Variants in ZNF385D observed in about 807,000 individuals in gnomAD.
ZNF385D encodes the protein zinc finger protein 385D.
A neutral mutation model predicts 35.8 loss-of-function variants in ZNF385D; 15 were observed. That is an observed-to-expected ratio of 0.42 (90% confidence interval 0.28 to 0.64). The LOEUF is 0.64. Ranked by LOEUF, ZNF385D falls within the 30% of genes least tolerant of loss-of-function variation. The pLI is 0.23. For missense variants in ZNF385D, 474 were observed against 494.6 expected, an observed-to-expected ratio of 0.96 and a Z score of 0.39; for synonymous variants, 212 against 186.8, an observed-to-expected ratio of 1.13 and a Z score of -1.10.
chr3:21,550,534 G>C lies in ZNF385D; in HGVS notation c.276+14040C>G, dbSNP rs557592948. On this transcript the variant is annotated intron_variant, in intron 3 of 7. Coordinates refer to ENST00000281523, the MANE Select transcript of ZNF385D (RefSeq NM_024697.3). Reference sequence around the variant, plus strand: ...GTCTCACTCTGTTGCCCAGGCTGGAGTGCAGTGGTGTGATCTTGGCTTACT... The same window carrying C: ...GTCTCACTCTGTTGCCCAGGCTGGACTGCAGTGGTGTGATCTTGGCTTACT... Among the ~76,000 whole-genome samples the C allele has an allele frequency of 8.9e-4, 135 of 152,278 alleles. 1 individual carries two copies. The highest frequency in any genetic ancestry group is 3.2e-3 in the African/African-American group (132 of 41,554).
At chr3:21,532,191 G>A (rs1360320503) in intron 3 of ZNF385D, among the ~76,000 whole-genome samples, 1 of 152,128 alleles carries the variant, frequency 6.6e-6, no homozygotes, top group East Asian at 1.9e-4. Flanking sequence ...CACGAGGGAA[G>A]GTTTAGAATT....
At chr3:22,091,261 A>T (rs1044876148) in intron 3 of ZNF385D, among the ~76,000 whole-genome samples, 2 of 152,198 alleles carry the variant, frequency 1.3e-5, no homozygotes, top group Admixed American at 1.3e-4. Context: ...ACTGGTGAAG[A>T]TAAACCAGTC....
intron 3 of ZNF385D, among the ~76,000 whole-genome samples, chr3:21,896,943 T>G (rs1699169914): frequency 1.3e-5 from 2 of 151,964 alleles, no homozygotes; most frequent in Non-Finnish European, 2.9e-5. Context: ...AGAAAAAAAC[T>G]GGGATCATTT....
At chr3:21,619,871 G>C (rs78838434) in intron 2 of ZNF385D, among the ~76,000 whole-genome samples, 1 of 152,176 alleles carries the variant, frequency 6.6e-6, no homozygotes, top group East Asian at 1.9e-4. Flanking sequence ...ATGAGGGAAA[G>C]TGGAAGCTAG....
chr3:21,878,588 T>C (rs1175183061), intron 3 of ZNF385D, among the ~76,000 whole-genome samples: 10 of 152,092 alleles, frequency 6.6e-5, no homozygotes, highest in Non-Finnish European at 5.9e-5. Context: ...ACTACATGAC[T>C]GCACATGTAA....
chr3:22,321,504 T>A (rs1341732527), intron 2 of ZNF385D, among the ~76,000 whole-genome samples: 1 of 152,058 alleles, frequency 6.6e-6, no homozygotes, highest in African/African-American at 2.4e-5. Flanking sequence ...TAGCTGGGAC[T>A]ACAGGGGCCC....
At chr3:21,470,824 T>C (rs189878456) in intron 4 of ZNF385D, among the ~76,000 whole-genome samples, 76 of 152,184 alleles carry the variant, frequency 5.0e-4, no homozygotes, top group African/African-American at 1.7e-3. Flanking sequence ...TTTTGAATGA[T>C]CATTCCCAGC....
chr3:21,572,743 A>G (rs2063372398), intron 2 of ZNF385D, among the ~76,000 whole-genome samples: 1 of 152,208 alleles, frequency 6.6e-6, no homozygotes, highest in African/African-American at 2.4e-5. Flanking sequence ...CCACCCTTGC[A>G]CAGCAGAAAA....
At position 21,907,626 on chromosome 3, in the gene ZNF385D, A is replaced by G. The variant is rs527690185; in HGVS notation, c.326-242598T>C. Reference sequence around the variant, plus strand: ...TGTGGAATCCGTTAAAAGGAGATACATTATAAGAATCTTTGATACTTATTA... The same window carrying G: ...TGTGGAATCCGTTAAAAGGAGATACGTTATAAGAATCTTTGATACTTATTA... On this transcript the variant is annotated intron_variant, in intron 3 of 5. Transcript: ENST00000494108. 1.5e-3 allele frequency among the ~76,000 whole-genome samples: 224 copies of G among 152,286 alleles called. 1 individual carries two copies. The highest frequency in any genetic ancestry group is 5.2e-3 in the African/African-American group (216 of 41,562).
chr3:21,553,188 C>G (rs555437150), intron 3 of ZNF385D, among the ~76,000 whole-genome samples: 2 of 152,260 alleles, frequency 1.3e-5, no homozygotes, highest in East Asian at 3.9e-4. Flanking sequence ...GACAACCTGA[C>G]TTTATCCTAG....
chr3:21,426,432 A>G (rs993324780), intron 5 of ZNF385D, among the ~76,000 whole-genome samples: 6 of 152,208 alleles, frequency 3.9e-5, no homozygotes, highest in African/African-American at 1.4e-4. Context: ...GTCAACCGTT[A>G]ACAACCCATT....
chr3:21,608,012 C>CTTTTTTTTTTTTTTTTTTTTTTTT (rs368555930), intron 2 of ZNF385D, among the ~76,000 whole-genome samples: 22 of 123,964 alleles, frequency 1.8e-4, no homozygotes, highest in African/African-American at 6.9e-4. Context: ...TCTTTTTCTT[C>CTTTTTTTTTTTTTTTTTTTTTTTT]TTTTTTTTTT....
At chr3:21,835,280 A>G (rs1056622163) in intron 3 of ZNF385D, among the ~76,000 whole-genome samples, 1 of 152,016 alleles carries the variant, frequency 6.6e-6, no homozygotes, top group Admixed American at 6.6e-5. Context: ...GAAAAGCAGC[A>G]AAAATAAATA....
At chr3:21,980,342 G>T (rs753664148) in intron 3 of ZNF385D, among the ~76,000 whole-genome samples, 2 of 152,146 alleles carry the variant, frequency 1.3e-5, no homozygotes, top group Non-Finnish European at 2.9e-5. Flanking sequence ...CTGACTCATG[G>T]AAACTGTGAC....
intron 3 of ZNF385D, among the ~76,000 whole-genome samples, chr3:22,068,811 G>A (rs1472972511): frequency 6.6e-6 from 1 of 152,202 alleles, no homozygotes; most frequent in Non-Finnish European, 1.5e-5. Context: ...ATGCACAACT[G>A]TGAAGAAAAT....
At chr3:22,273,567 T>C (rs773492035) in intron 2 of ZNF385D, among the ~76,000 whole-genome samples, 31 of 151,832 alleles carry the variant, frequency 2.0e-4, no homozygotes, top group Non-Finnish European at 4.1e-4. Flanking sequence ...AGTACTGAAG[T>C]TGAGAACTCC....
At chr3:22,235,772 G>C (rs1364564321) in intron 2 of ZNF385D, among the ~76,000 whole-genome samples, 2 of 152,032 alleles carry the variant, frequency 1.3e-5, no homozygotes, top group African/African-American at 4.8e-5. Flanking sequence ...GCTAATAAAG[G>C]CAGGAAAAAA....
Position 22,065,671 on chromosome 3 carries a change from A to G in ZNF385D, c.325+103146T>C, listed in dbSNP as rs531070993. On this transcript the variant is annotated intron_variant, in intron 3 of 5. Coordinates refer to the ZNF385D transcript ENST00000494108. ...TTCAGTTAGGCAAATACACAGGACC[A>G]TAATCTAAAAGTGTATGTGTGTGCT... Among the ~76,000 whole-genome samples, 8 of 152,302 alleles carry G rather than the reference A, an allele frequency of 5.3e-5. No homozygotes were observed. In the South Asian group the frequency reaches 1.7e-3, roughly 32 times the overall value.
chr3:22,274,788 T>C (rs994926062), intron 2 of ZNF385D, among the ~76,000 whole-genome samples: 13 of 149,696 alleles, frequency 8.7e-5, no homozygotes, highest in African/African-American at 1.5e-4. Context: ...TTAGTACTTT[T>C]TTTTTTTTTT....
Sources: gnomAD v4.1 joint callset for allele counts (sites outside exome capture counted in the v4.1 genomes callset) on GRCh38, gnomAD v4.1.1 for gene constraint, MANE v1.5 for transcripts, NCBI Gene and HGNC (gene_info 2026-07-23, HGNC 2026-07-21) for gene names.